Variants in ZNF804B observed in about 807,000 individuals in gnomAD.
The protein encoded by ZNF804B is zinc finger protein 804B.
Under a neutral mutation model 101.4 loss-of-function variants are expected in ZNF804B, and 80 were observed. The ratio of observed to expected loss-of-function variants is 0.79; its 90% CI spans 0.66 to 0.95. ZNF804B has a LOEUF of 0.95. Among genes scored for constraint, ZNF804B ranks in the 40% least tolerant of loss-of-function variants. The pLI is 0.00. For missense variants in ZNF804B, 1,673 were observed against 1,561.9 expected, an observed-to-expected ratio of 1.07 and a Z score of -1.20; for synonymous variants, 622 against 558.8, an observed-to-expected ratio of 1.11 and a Z score of -1.59.
intron 1 of ZNF804B, 77 bp downstream of exon 1, chr7:88,760,161 T>C: frequency 8.3e-7 from 1 of 1,208,186 alleles, no homozygotes; most frequent in African/African-American, 1.5e-5. Flanking sequence ...AGAGATAGTA[T>C]CCTGATACAA....
At chr7:88,818,135 A>G (rs977855185) in intron 1 of ZNF804B, among the ~76,000 whole-genome samples, 9 of 152,182 alleles carry the variant, frequency 5.9e-5, no homozygotes, top group African/African-American at 1.7e-4. Context: ...CCTGGAACCT[A>G]TTTTTAAAAC....
At chr7:88,828,302 C>T (rs1317108608) in intron 1 of ZNF804B, among the ~76,000 whole-genome samples, 1 of 152,136 alleles carries the variant, frequency 6.6e-6, no homozygotes, top group African/African-American at 2.4e-5. Flanking sequence ...TTCTATCACA[C>T]CAGAAATGTC....
At chr7:89,004,897 T>C (rs1394683832) in intron 1 of ZNF804B, among the ~76,000 whole-genome samples, 2 of 152,000 alleles carry the variant, frequency 1.3e-5, no homozygotes, top group African/African-American at 4.8e-5. Context: ...CTTCTCTGTG[T>C]AATCATTAAT....
At chr7:88,801,452 C>T in intron 1 of ZNF804B, among the ~76,000 whole-genome samples, 1 of 152,034 alleles carries the variant, frequency 6.6e-6, no homozygotes. Flanking sequence ...CCCTGAAGTG[C>T]AGAGGAATTG....
intron 1 of ZNF804B, among the ~76,000 whole-genome samples, chr7:88,897,854 G>A (rs911908750): frequency 2.6e-5 from 4 of 151,742 alleles, no homozygotes; most frequent in Non-Finnish European, 5.9e-5. Context: ...AACAGCTTGG[G>A]GGAAGAATAG....
At position 89,278,837 on chromosome 7, in the gene ZNF804B, C is replaced by G. The variant is rs1408712689; in HGVS notation, c.250-48507C>G. ...TAGGATTGACTTGGCGATGCAGGCTCTTTTTTGGTTCCATATGAACTTTAA... is the reference window on the plus strand; with the variant it reads ...TAGGATTGACTTGGCGATGCAGGCTGTTTTTTGGTTCCATATGAACTTTAA... On this transcript the variant is annotated intron_variant, in intron 2 of 3. Transcript: ENST00000333190. Among the ~76,000 whole-genome samples the G allele has an allele frequency of 2.0e-5, 3 of 151,810 alleles. 1 individual carries two copies. Among genetic ancestry groups the G allele is most frequent in the African/African-American group, 7.3e-5 (3 of 41,312 alleles).
chr7:88,971,211 A>G (rs1425283956), intron 1 of ZNF804B, among the ~76,000 whole-genome samples: 1 of 151,550 alleles, frequency 6.6e-6, no homozygotes, highest in Admixed American at 6.6e-5. Context: ...ACTTAGCTTG[A>G]TATTTTGACC....
chr7:88,809,330 TCTATCTATCTATCTATCTATCTATCTAC>T (rs1398367280), intron 1 of ZNF804B, among the ~76,000 whole-genome samples: 1 of 151,190 alleles, frequency 6.6e-6, no homozygotes, highest in African/African-American at 2.4e-5. Context: ...TATCTATCTA[TCTATCTATCTATCTATCTATCTATCTAC>T]CTATCTATCT....
intron 1 of ZNF804B, among the ~76,000 whole-genome samples, chr7:88,803,157 GA>G (rs147363581): frequency 0.061 from 9,178 of 149,520 alleles, 403 homozygotes; most frequent in South Asian, 0.17. Context: ...ATTATGTTCA[GA>G]AAAAAAAACG....
intron 1 of ZNF804B, among the ~76,000 whole-genome samples, chr7:88,868,704 A>G (rs1791773852): frequency 6.6e-6 from 1 of 152,204 alleles, no homozygotes; most frequent in Non-Finnish European, 1.5e-5. Flanking sequence ...GCTTTACAAC[A>G]TTTCTAAAGA....
intron 3 of ZNF804B, among the ~76,000 whole-genome samples, chr7:89,331,682 T>A (rs1790985578): frequency 6.6e-6 from 1 of 151,656 alleles, no homozygotes. Context: ...CATATGGTCA[T>A]AATTTGTAAA....
chr7:88,763,975 TAATC>T (rs1789940728), intron 1 of ZNF804B, among the ~76,000 whole-genome samples: 1 of 152,172 alleles, frequency 6.6e-6, no homozygotes, highest in South Asian at 2.1e-4. Context: ...TTTAATAACT[TAATC>T]AGTAATTAAG....
chr7:89,273,037 A>G (rs1562933550), intron 2 of ZNF804B, among the ~76,000 whole-genome samples: 1 of 152,186 alleles, frequency 6.6e-6, no homozygotes, highest in Admixed American at 6.6e-5. Flanking sequence ...ATCTTCAAAA[A>G]TGCTTTAACT....
chr7:88,788,280 G>A (rs965935952), intron 1 of ZNF804B, among the ~76,000 whole-genome samples: 9 of 152,104 alleles, frequency 5.9e-5, no homozygotes, highest in African/African-American at 2.2e-4. Flanking sequence ...CCTACATAGT[G>A]TAACCCTGGC....
At chr7:89,272,265 G>T (rs1441216075) in intron 2 of ZNF804B, among the ~76,000 whole-genome samples, 1 of 151,798 alleles carries the variant, frequency 6.6e-6, no homozygotes, top group Non-Finnish European at 1.5e-5. Flanking sequence ...CATAGCAAAT[G>T]GTCAATAAAT....
At chr7:88,950,104 A>G (rs910678895) in intron 1 of ZNF804B, among the ~76,000 whole-genome samples, 3 of 151,954 alleles carry the variant, frequency 2.0e-5, no homozygotes, top group Non-Finnish European at 2.9e-5. Flanking sequence ...AATCTCTGAT[A>G]GATACCTTAG....
chr7:88,845,555 T>G (rs1195471215), intron 1 of ZNF804B, among the ~76,000 whole-genome samples: 2 of 152,096 alleles, frequency 1.3e-5, no homozygotes, highest in Admixed American at 6.5e-5. Context: ...GAACTGGCTA[T>G]TTCAAGCTGC....
chr7:88,870,125 G>A (rs1050054410), intron 1 of ZNF804B, among the ~76,000 whole-genome samples: 4 of 151,336 alleles, frequency 2.6e-5, no homozygotes, highest in South Asian at 2.1e-4. Context: ...GGTGGCTCAC[G>A]CCTGTAATCC....
intron 1 of ZNF804B, among the ~76,000 whole-genome samples, chr7:88,771,573 C>T (rs538870691): frequency 2.6e-5 from 4 of 152,112 alleles, no homozygotes; most frequent in South Asian, 2.1e-4. Context: ...AACTGCACAA[C>T]GTCTCTGTTG....
Sources: gnomAD v4.1 joint callset for allele counts (sites outside exome capture counted in the v4.1 genomes callset) on GRCh38, gnomAD v4.1.1 for gene constraint, MANE v1.5 for transcripts, NCBI Gene and HGNC (gene_info 2026-07-23, HGNC 2026-07-21) for gene names.